Variants in NAV3 observed in about 807,000 individuals in gnomAD.
The protein encoded by NAV3 is neuron navigator 3.
In NAV3, 87 loss-of-function variants were observed where a neutral mutation model predicts 244.7. The ratio of observed to expected loss-of-function variants is 0.36; its 90% CI spans 0.30 to 0.42. NAV3 has a LOEUF of 0.42. Among genes scored for constraint, NAV3 ranks in the 20% least tolerant of loss-of-function variants. The probability of loss-of-function intolerance (pLI) is 1.00; values close to 1 mark genes in which losing one functional copy is unlikely to be tolerated. For synonymous variants in NAV3, 1,126 were observed against 1,042.2 expected (o/e 1.08, Z -1.55); for missense variants, 2,663 against 2,893.3 (o/e 0.92, Z 1.83).
At chr12:78,191,436 C>T (rs925003242) in intron 34 of NAV3, among the ~76,000 whole-genome samples, 4 of 152,066 alleles carry the variant, frequency 2.6e-5, no homozygotes, top group South Asian at 2.1e-4. Context: ...GCACAGTGCA[C>T]GCGCACATAC....
chr12:78,160,245 G>C (rs1203631380), intron 23 of NAV3, among the ~76,000 whole-genome samples: 1 of 152,100 alleles, frequency 6.6e-6, no homozygotes, highest in East Asian at 1.9e-4. Flanking sequence ...GTATTAAAAA[G>C]GTCCATACTG....
At chr12:77,743,675 A>G (rs929507031) in intron 2 of NAV3, among the ~76,000 whole-genome samples, 24 of 151,986 alleles carry the variant, frequency 1.6e-4, no homozygotes, top group African/African-American at 5.8e-4. Context: ...GATCTGAGAA[A>G]TATACTGAAT....
intron 5 of NAV3, among the ~76,000 whole-genome samples, chr12:77,992,461 T>C (rs1871614170): frequency 6.6e-6 from 1 of 151,980 alleles, no homozygotes; most frequent in African/African-American, 2.4e-5. Flanking sequence ...ATTAGGAAAA[T>C]TGTGGTCCTC....
intron 2 of NAV3, among the ~76,000 whole-genome samples, chr12:77,803,328 C>G (rs1871813501): frequency 6.6e-6 from 1 of 152,104 alleles, no homozygotes; most frequent in Admixed American, 6.5e-5. Flanking sequence ...CTCCCTGTGT[C>G]CATGTGTTCT....
intron 21 of NAV3, among the ~76,000 whole-genome samples, chr12:78,147,664 A>C (rs1956918264): frequency 6.6e-6 from 1 of 151,858 alleles, no homozygotes; most frequent in Admixed American, 6.6e-5. Context: ...GAAATTATAT[A>C]AGTGTCTACT....
At chr12:77,655,483 G>A (rs1185126133) in intron 2 of NAV3, among the ~76,000 whole-genome samples, 1 of 152,194 alleles carries the variant, frequency 6.6e-6, no homozygotes, top group Non-Finnish European at 1.5e-5. Flanking sequence ...CGTCTGATTG[G>A]TGTACCTGAA....
chr12:77,764,771 G>A (rs1173128154), intron 2 of NAV3, among the ~76,000 whole-genome samples: 3 of 152,210 alleles, frequency 2.0e-5, no homozygotes, highest in Non-Finnish European at 2.9e-5. Context: ...GAGATCTGGA[G>A]TAGCTAATTA....
chr12:77,909,540 A>C (rs1401893250), intron 1 of NAV3, among the ~76,000 whole-genome samples: 3 of 152,182 alleles, frequency 2.0e-5, no homozygotes, highest in Admixed American at 1.3e-4. Context: ...CTTGTTATTT[A>C]TCTTTCAGGT....
intron 2 of NAV3, among the ~76,000 whole-genome samples, chr12:77,712,890 TCA>T (rs1876188290): frequency 6.6e-6 from 1 of 152,158 alleles, no homozygotes; most frequent in Non-Finnish European, 1.5e-5. Context: ...ATTTTACAGA[TCA>T]CACTCCAAGG....
chr12:78,104,917 C>T (rs1954724619), intron 12 of NAV3, among the ~76,000 whole-genome samples: 1 of 152,052 alleles, frequency 6.6e-6, no homozygotes, highest in African/African-American at 2.4e-5. Context: ...ATCAATGGCT[C>T]AATCTTTTTA....
At chr12:77,850,987 A>C (rs1877424006) in intron 1 of NAV3, among the ~76,000 whole-genome samples, 1 of 152,180 alleles carries the variant, frequency 6.6e-6, no homozygotes, top group Admixed American at 6.5e-5. Flanking sequence ...GCATAGCACC[A>C]CTGGGACACA....
chr12:77,640,986 A>G (rs916682988), intron 2 of NAV3, among the ~76,000 whole-genome samples: 1 of 152,086 alleles, frequency 6.6e-6, no homozygotes, highest in Non-Finnish European at 1.5e-5. Flanking sequence ...GACATTGACT[A>G]GTGATTGACT....
chr12:78,131,650 C>T (rs1956171376), intron 18 of NAV3, among the ~76,000 whole-genome samples: 1 of 152,110 alleles, frequency 6.6e-6, no homozygotes, highest in Admixed American at 6.6e-5. Flanking sequence ...ATTAAATCCA[C>T]CTTCATTATT....
intron 3 of NAV3, among the ~76,000 whole-genome samples, chr12:77,964,647 A>G (rs183791431): frequency 1.4e-3 from 213 of 152,318 alleles, no homozygotes; most frequent in African/African-American, 4.9e-3. Context: ...AAGAATTAAT[A>G]TATATTTCAG....
intron 16 of NAV3, among the ~76,000 whole-genome samples, chr12:78,125,660 G>A (rs867489425): frequency 4.6e-5 from 7 of 152,128 alleles, no homozygotes; most frequent in East Asian, 1.9e-4. Context: ...ATCCCCATTC[G>A]TTTTCATGCC....
intron 2 of NAV3, among the ~76,000 whole-genome samples, chr12:77,688,224 T>G (rs1874846939): frequency 6.6e-6 from 1 of 152,196 alleles, no homozygotes; most frequent in African/African-American, 2.4e-5. Context: ...AAAGTTTATC[T>G]GAAGCATAAT....
chr12:77,932,243 A>G (rs1593036975), intron 1 of NAV3, among the ~76,000 whole-genome samples: 1 of 152,234 alleles, frequency 6.6e-6, no homozygotes, highest in East Asian at 1.9e-4. Context: ...TGATAACCCT[A>G]AGTCCGGATT....
At chr12:78,132,334 A>G (rs1373981509) in intron 18 of NAV3, among the ~76,000 whole-genome samples, 2 of 152,184 alleles carry the variant, frequency 1.3e-5, no homozygotes, top group African/African-American at 4.8e-5. Context: ...TCATTGCTAT[A>G]GAAACCAAGT....
At chr12:77,635,020 G>A (rs558025991) in intron 2 of NAV3, among the ~76,000 whole-genome samples, 1 of 152,198 alleles carries the variant, frequency 6.6e-6, no homozygotes, top group Admixed American at 6.5e-5. Context: ...CCTGAGGTCA[G>A]GAGTTCGAGA....
Sources: gnomAD v4.1 joint callset for allele counts (sites outside exome capture counted in the v4.1 genomes callset) on GRCh38, gnomAD v4.1.1 for gene constraint, MANE v1.5 for transcripts, NCBI Gene and HGNC (gene_info 2026-07-23, HGNC 2026-07-21) for gene names.